Variants in TJP2 observed in about 807,000 individuals in gnomAD.
The protein encoded by TJP2 is tight junction protein 2.
In TJP2, 91 loss-of-function variants were observed where a neutral mutation model predicts 133.1. That is an observed-to-expected ratio of 0.68 (90% CI 0.58 to 0.81). The LOEUF is 0.81. Ranked by LOEUF, TJP2 falls within the 40% of genes least tolerant of loss-of-function variation. The pLI is 0.00. For missense variants in TJP2, 1,541 were observed against 1,565.6 expected (o/e 0.98, Z 0.26); for synonymous variants, 592 against 583.4 (o/e 1.01, Z -0.21).
Position 69,229,190 on chromosome 9 carries a change from A to G in TJP2, c.1460A>G (p.Gln487Arg). The G allele has an allele frequency of 4.3e-6, 7 of 1,614,114 alleles. No individual in the cohort carries two copies. The highest frequency in any genetic ancestry group is 5.9e-6 in the Non-Finnish European group (7 of 1,179,988). ...GATGTTTCTTAACCTACAGCTCCTCAACCAAAAGCAGCCCCGAGAACTTTT... is the reference window on the plus strand; with the variant it reads ...GATGTTTCTTAACCTACAGCTCCTCGACCAAAAGCAGCCCCGAGAACTTTT... ...PRYQEDPPAP[Q>R]PKAAPRTFLR... Residue 487 changes from glutamine to arginine, a missense_variant, in exon 10 of 23, where the codon CAA becomes CGA. Coordinates refer to ENST00000377245, the MANE Select transcript of TJP2 (RefSeq NM_004817.4).
intron 1 of TJP2, among the ~76,000 whole-genome samples, chr9:69,131,908 C>CA (rs1491117285): frequency 3.3e-5 from 5 of 152,174 alleles, no homozygotes; most frequent in African/African-American, 9.7e-5. Context: ...TAGGAGGACT[C>CA]ACAGTACTCA....
At chr9:69,129,653 A>G (rs889307517) in intron 1 of TJP2, among the ~76,000 whole-genome samples, 1 of 152,208 alleles carries the variant, frequency 6.6e-6, no homozygotes, top group Non-Finnish European at 1.5e-5. Context: ...AGAGTAGACT[A>G]AGGCTGGGTG....
At position 69,223,862 on chromosome 9, in the gene TJP2, A is replaced by G. The variant is rs74472776; in HGVS notation, c.953-1442A>G. 5.4e-3 allele frequency among the ~76,000 whole-genome samples: 828 copies of G among 152,372 alleles called. 7 individuals are homozygous for G. The highest frequency in any genetic ancestry group is 0.018 in the African/African-American group (763 of 41,588). ...CTGGCTGACAAGTTTACCGTAAATC[A>G]TTTAAAACTTATTTTAAAATTGACT... is the stretch of plus-strand genomic sequence containing the variant. On this transcript the variant is annotated intron_variant, in intron 5 of 22. Coordinates refer to ENST00000377245, the MANE Select transcript of TJP2 (RefSeq NM_004817.4).
At chr9:69,180,557 G>A (rs1259696497) in intron 1 of TJP2, among the ~76,000 whole-genome samples, 2 of 152,148 alleles carry the variant, frequency 1.3e-5, no homozygotes, top group Non-Finnish European at 2.9e-5. Context: ...TACTAAAGCT[G>A]AGCACACCTG....
At chr9:69,177,575 GA>G (rs141456018) in intron 1 of TJP2, among the ~76,000 whole-genome samples, 5 of 150,540 alleles carry the variant, frequency 3.3e-5, no homozygotes, top group African/African-American at 1.2e-4. Flanking sequence ...GATAGCAATG[GA>G]AAAAAAAATT....
At chr9:69,154,518 C>T (rs978917748) in intron 2 of TJP2, among the ~76,000 whole-genome samples, 5 of 151,996 alleles carry the variant, frequency 3.3e-5, no homozygotes, top group Non-Finnish European at 5.9e-5. Flanking sequence ...GCAGGATCAT[C>T]TTTGCCTTCA....
chr9:69,208,150 C>A (rs1219919173), intron 1 of TJP2, among the ~76,000 whole-genome samples: 1 of 152,202 alleles, frequency 6.6e-6, no homozygotes, highest in East Asian at 1.9e-4. Flanking sequence ...GCTAAATATA[C>A]ATAGTTATGG....
chr9:69,194,279 A>G lies in TJP2; in HGVS notation c.61-18269A>G, dbSNP rs1588021914. 2.0e-5 allele frequency among the ~76,000 whole-genome samples: 3 copies of G among 152,246 alleles called. No homozygotes were observed. The South Asian group carries it at 6.2e-4, about 32-fold the overall frequency. On this transcript the variant is annotated intron_variant, in intron 1 of 22. Transcript: ENST00000377245. ...TGAAAATAAGTACTATTTTTTTCTT[A>G]ATACCTGGCATTCTGCTCATGGTTG... is the stretch of plus-strand genomic sequence containing the variant.
At chr9:69,168,108 C>T (rs1587952136) in intron 2 of TJP2, among the ~76,000 whole-genome samples, 1 of 152,238 alleles carries the variant, frequency 6.6e-6, no homozygotes, top group African/African-American at 2.4e-5. Context: ...ATGAGTGATC[C>T]ACTGAATGTT....
chr9:69,199,957 A>T (rs1280519083), intron 1 of TJP2, among the ~76,000 whole-genome samples: 1 of 152,082 alleles, frequency 6.6e-6, no homozygotes, highest in Non-Finnish European at 1.5e-5. Context: ...AAAATTGTAT[A>T]TTTAGTACTG....
At chr9:69,205,503 C>T (rs1171690924) in intron 1 of TJP2, among the ~76,000 whole-genome samples, 1 of 152,186 alleles carries the variant, frequency 6.6e-6, no homozygotes, top group Non-Finnish European at 1.5e-5. Context: ...TGCTAGGAAT[C>T]TGTAATGGTT....
Position 69,252,896 on chromosome 9 carries a change from A to T in TJP2, c.3403A>T (p.Thr1135Ser). The change falls in exon 22 of 23, where the codon ACG becomes TCG. Residue 1135 changes from threonine (T) to serine (S), a missense_variant. Coordinates refer to ENST00000377245, the MANE Select transcript of TJP2 (RefSeq NM_004817.4). ...HKPDPGTPQHTSSRPPEPQKA... is the reference protein window; with the variant it reads ...HKPDPGTPQHSSSRPPEPQKA... ...GCCAGACCCTGGCACGCCCCAGCAC[A>T]CGAGGTAAGGGCTGCCTAGTGGGTA... The T allele has an allele frequency of 6.2e-7, 1 of 1,614,172 alleles. No individual in the cohort carries two copies. Among genetic ancestry groups the T allele is most frequent in the Non-Finnish European group, 8.5e-7 (1 of 1,180,020 alleles).
chr9:69,137,299 CTTTTCTTTTCT>C (rs150529217), intron 1 of TJP2, among the ~76,000 whole-genome samples: 4,309 of 85,440 alleles, frequency 0.05, 109 homozygotes, highest in African/African-American at 0.095. Flanking sequence ...TTCTTTCTTT[CTTTTCTTTTCT>C]TTTCTTTTCT....
rs566929522 is a variant in TJP2, at chr9:69,215,391, T to G, written c.115-948T>G. 1.2e-4 allele frequency among the ~76,000 whole-genome samples: 5 copies of G among 40,058 alleles called. No individual in the cohort carries two copies. In the South Asian group the frequency reaches 3.7e-3, roughly 30 times the overall value. 26.3% of individuals were successfully genotyped at this position (40,058 alleles called of 152,430 possible). On this transcript the variant is annotated intron_variant, in intron 2 of 22. Transcript: ENST00000377245. ...TTCCCGCCCAGCTAGAAAGTTGTGG[T>G]TTTTTTTTTTTGTTTTTTAGAGACT...
chr9:69,194,986 T>C (rs1304562517), intron 1 of TJP2, among the ~76,000 whole-genome samples: 2 of 152,230 alleles, frequency 1.3e-5, no homozygotes, highest in Non-Finnish European at 2.9e-5. Context: ...GGTACTAATG[T>C]GTCCCTCTTT....
upstream of TJP2, chr9:69,174,106 C>A: frequency 8.5e-7 from 1 of 1,179,750 alleles, no homozygotes; most frequent in Non-Finnish European, 1.0e-6. Context: ...GAGCCCTTCC[C>A]CGGCAGGCGC....
chr9:69,231,279 G>A (rs1163824251), intron 11 of TJP2, among the ~76,000 whole-genome samples: 1 of 151,964 alleles, frequency 6.6e-6, no homozygotes, highest in Admixed American at 6.6e-5. Flanking sequence ...TGTCTTTTTA[G>A]TAGAGACAGG....
chr9:69,249,691 G>A, intron 20 of TJP2: 1 of 985,426 alleles, frequency 1.0e-6, no homozygotes, highest in Non-Finnish European at 1.2e-6. Flanking sequence ...GGCAATATTA[G>A]GAGAGCATAT....
intron 17 of TJP2, among the ~76,000 whole-genome samples, chr9:69,243,679 A>G (rs1273864032): frequency 6.6e-6 from 1 of 152,204 alleles, no homozygotes; most frequent in African/African-American, 2.4e-5. Flanking sequence ...TTTTATGCTA[A>G]TTATAGAATT....
Sources: allele counts gnomAD v4.1 joint callset (sites outside exome capture counted in the v4.1 genomes callset), GRCh38; gene constraint gnomAD v4.1.1; transcripts MANE v1.5; gene names NCBI Gene and HGNC (gene_info 2026-07-23, HGNC 2026-07-21).